The following CREBBP variants were observed in gnomAD, a reference collection of about 807,000 sequenced individuals.
CREBBP encodes the protein CREB binding lysine acetyltransferase, also known as CREB-binding protein.
In CREBBP, 19 loss-of-function variants were observed where a neutral mutation model predicts 265.0. The observed-to-expected ratio is 0.07, with a 90% CI of 0.05 to 0.11. The LOEUF is 0.11. Ranked by LOEUF, CREBBP falls within the 10% of genes least tolerant of loss-of-function variation. CREBBP has a pLI of 1.00. For missense variants in CREBBP, 2,525 were observed against 3,219.0 expected, an observed-to-expected ratio of 0.78 and a Z score of 5.22; for synonymous variants, 1,457 against 1,223.7, an observed-to-expected ratio of 1.19 and a Z score of -3.98.
intron 1 of CREBBP, among the ~76,000 whole-genome samples, chr16:3,864,136 A>G (rs1394788609): frequency 6.6e-6 from 1 of 152,166 alleles, no homozygotes; most frequent in Non-Finnish European, 1.5e-5. Flanking sequence ...CCCCAGCCAT[A>G]TTGTAAGAAC....
intron 3 of CREBBP, among the ~76,000 whole-genome samples, chr16:3,803,712 G>A (rs570854039): frequency 5.6e-4 from 85 of 152,114 alleles, no homozygotes; most frequent in African/African-American, 2.0e-3. Context: ...TCTCTTCCTG[G>A]ACCCACAGCC....
chr16:3,826,268 T>C (rs375445517), intron 2 of CREBBP, among the ~76,000 whole-genome samples: 5 of 152,202 alleles, frequency 3.3e-5, no homozygotes, highest in African/African-American at 7.2e-5. Context: ...TCATTTATCC[T>C]GTTAAAATTG....
At chr16:3,756,023 G>T (rs1343061336) in intron 19 of CREBBP, among the ~76,000 whole-genome samples, 1 of 151,596 alleles carries the variant, frequency 6.6e-6, no homozygotes, top group Non-Finnish European at 1.5e-5. Context: ...CTTGAATATG[G>T]ATTTTTAAAA....
intron 28 of CREBBP, among the ~76,000 whole-genome samples, chr16:3,733,248 C>G (rs893643005): frequency 6.6e-6 from 1 of 151,544 alleles, no homozygotes; most frequent in Non-Finnish European, 1.5e-5. Context: ...TGCAGTCCCA[C>G]CTACTCGGGA....
At position 3,730,482 on chromosome 16, in the gene CREBBP, C is replaced by A. The variant is rs116422161; in HGVS notation, c.5173-608G>T. The A allele has an allele frequency of 3.0e-3, 476 of 159,224 alleles. 4 individuals carry two copies. Among genetic ancestry groups the A allele is most frequent in the African/African-American group, 0.011 (460 of 41,640 alleles). 9.9% of individuals were successfully genotyped at this position (159,224 alleles called of 1,614,324 possible). A position where few individuals can be genotyped will look rare whatever the true frequency, so the allele number is the denominator to read the frequency against. ...CTGAAAACTGCTCGCACCTGGCAAC[C>A]TGATGGAGCCCTAGGACCAGGTACC... On this transcript the variant is annotated intron_variant, in intron 30 of 30. Coordinates refer to ENST00000262367, the MANE Select transcript of CREBBP (RefSeq NM_004380.3).
intron 1 of CREBBP, among the ~76,000 whole-genome samples, chr16:3,854,384 T>C (rs1259868827): frequency 1.3e-5 from 2 of 152,226 alleles, no homozygotes; most frequent in African/African-American, 2.4e-5. Context: ...AGGATGGCTG[T>C]AGCCAAAAAC....
At chr16:3,820,237 G>A (rs1277214624) in intron 2 of CREBBP, among the ~76,000 whole-genome samples, 2 of 152,244 alleles carry the variant, frequency 1.3e-5, no homozygotes, top group East Asian at 3.8e-4. Flanking sequence ...TTCATGGAAA[G>A]ACATGACTGC....
At chr16:3,820,150 G>A (rs2054114032) in intron 2 of CREBBP, among the ~76,000 whole-genome samples, 1 of 152,108 alleles carries the variant, frequency 6.6e-6, no homozygotes, top group East Asian at 1.9e-4. Flanking sequence ...CCAGACTACG[G>A]CCAGATCATT....
rs143299975 is a variant in CREBBP, at chr16:3,765,002, C to T, written c.3250+2718G>A. ...TTGTTTTTGTTTTTGTTTTTTGAGA[C>T]GGCGTCTCGCTCTGTCTCCCAGGCT... On this transcript the variant is annotated intron_variant, in intron 16 of 30. Coordinates refer to ENST00000262367, the MANE Select transcript of CREBBP (RefSeq NM_004380.3). Among the ~76,000 whole-genome samples the T allele has an allele frequency of 6.3e-3, 958 of 150,982 alleles. 3 individuals carry two copies. The highest frequency in any genetic ancestry group is 6.7e-3 in the African/African-American group (277 of 41,104).
chr16:3,837,218 G>C (rs2054470802), intron 2 of CREBBP, among the ~76,000 whole-genome samples: 1 of 152,154 alleles, frequency 6.6e-6, no homozygotes, highest in Non-Finnish European at 1.5e-5. Context: ...GAGAAAAACA[G>C]TGATATTCAT....
chr16:3,849,423 GTGTGTGTGTGTGTGTGTGTGTGTGT>G (rs1567360029), intron 2 of CREBBP, among the ~76,000 whole-genome samples: 239 of 9,838 alleles, frequency 0.024, 5 homozygotes, highest in East Asian at 0.2. Context: ...GTGTGTGTGT[GTGTGTGTGTGTGTGTGTGTGTGTGT>G]GTGTGTGTGT....
At chr16:3,735,044 C>A (rs941334343) in intron 28 of CREBBP, among the ~76,000 whole-genome samples, 3 of 151,990 alleles carry the variant, frequency 2.0e-5, no homozygotes, top group Non-Finnish European at 4.4e-5. Context: ...CCTACAGCTA[C>A]AGCCCACACC....
intron 16 of CREBBP, among the ~76,000 whole-genome samples, chr16:3,766,675 A>T (rs2052860612): frequency 6.6e-6 from 1 of 152,090 alleles, no homozygotes. Context: ...ATAGGCGTGC[A>T]CCACCACACT....
chr16:3,767,930 T>C (rs773410930), intron 15 of CREBBP, 21 bp from the exon 16 acceptor site: 1 of 1,611,840 alleles, frequency 6.2e-7, no homozygotes, highest in Non-Finnish European at 8.5e-7. Context: ...ACATTACAGA[T>C]AACATATGAA....
chr16:3,854,492 C>A (rs2054919544), intron 1 of CREBBP, among the ~76,000 whole-genome samples: 1 of 152,212 alleles, frequency 6.6e-6, no homozygotes, highest in Non-Finnish European at 1.5e-5. Flanking sequence ...AGAAAATACA[C>A]TTACTATCAC....
intron 3 of CREBBP, among the ~76,000 whole-genome samples, chr16:3,803,755 G>C (rs1160398716): frequency 6.6e-6 from 1 of 151,880 alleles, no homozygotes; most frequent in African/African-American, 2.4e-5. Context: ...CTACCTAGAA[G>C]GGGTGGGAGT....
At chr16:3,839,677 T>C (rs1003605320) in intron 2 of CREBBP, among the ~76,000 whole-genome samples, 26 of 100,242 alleles carry the variant, frequency 2.6e-4, no homozygotes, top group Admixed American at 7.6e-4. Flanking sequence ...AGTGAAACTA[T>C]GGGGAAAGAA....
intron 3 of CREBBP, among the ~76,000 whole-genome samples, chr16:3,796,228 G>C (rs939191916): frequency 2.0e-5 from 3 of 152,096 alleles, no homozygotes; most frequent in African/African-American, 7.2e-5. Context: ...TTAACACACT[G>C]ATTTCATTTG....
chr16:3,763,832 G>GA (rs375561636), intron 16 of CREBBP, among the ~76,000 whole-genome samples: 15 of 149,284 alleles, frequency 1.0e-4, no homozygotes, highest in African/African-American at 3.5e-4. Flanking sequence ...GCACAGATGG[G>GA]AAAAAAGCAA....
Sources: allele counts gnomAD v4.1 joint callset (sites outside exome capture counted in the v4.1 genomes callset), GRCh38; gene constraint gnomAD v4.1.1; transcripts MANE v1.5; gene names NCBI Gene and HGNC (gene_info 2026-07-23, HGNC 2026-07-21).